Variants in FRMD4B observed in about 807,000 individuals in gnomAD.
FRMD4B encodes the protein FERM domain containing 4B.
A neutral mutation model predicts 141.5 loss-of-function variants in FRMD4B; 74 were observed. The observed-to-expected ratio is 0.52, with a 90% confidence interval of 0.43 to 0.63. The LOEUF is 0.63. Among genes scored for constraint, FRMD4B ranks in the 30% least tolerant of loss-of-function variants. The probability of loss-of-function intolerance (pLI) is 0.00; values close to 1 mark genes in which losing one functional copy is unlikely to be tolerated. For synonymous variants in FRMD4B, 506 were observed against 467.9 expected, an observed-to-expected ratio of 1.08 and a Z score of -1.05; for missense variants, 1,366 against 1,253.4, an observed-to-expected ratio of 1.09 and a Z score of -1.36.
chr3:69,302,743 G>A (rs1425268240), intron 3 of FRMD4B, among the ~76,000 whole-genome samples: 3 of 152,134 alleles, frequency 2.0e-5, no homozygotes, highest in Non-Finnish European at 4.4e-5. Flanking sequence ...AAATAACTTC[G>A]ATGTCCAAGA....
intron 19 of FRMD4B, among the ~76,000 whole-genome samples, chr3:69,187,266 C>T (rs1269739401): frequency 2.6e-5 from 4 of 151,962 alleles, no homozygotes; most frequent in African/African-American, 7.3e-5. Context: ...ACATTTTCAG[C>T]CAGGCACGGT....
intron 4 of FRMD4B, among the ~76,000 whole-genome samples, chr3:69,289,608 C>A (rs1700807430): frequency 7.9e-6 from 1 of 126,906 alleles, no homozygotes; most frequent in Non-Finnish European, 1.6e-5. Flanking sequence ...CCATCCTGGC[C>A]ACCATGGTGA....
chr3:69,227,505 T>C (rs1352585119), intron 7 of FRMD4B, among the ~76,000 whole-genome samples: 1 of 151,866 alleles, frequency 6.6e-6, no homozygotes, highest in African/African-American at 2.4e-5. Flanking sequence ...CTACTAAAAA[T>C]ACAAAAATTA....
At chr3:69,276,824 G>A (rs1045310692) in intron 5 of FRMD4B, among the ~76,000 whole-genome samples, 6 of 152,162 alleles carry the variant, frequency 3.9e-5, no homozygotes, top group African/African-American at 1.4e-4. Flanking sequence ...AATTAGCCGG[G>A]CATGGCGGCA....
chr3:69,401,713 A>G (rs1223220804), intron 2 of FRMD4B, among the ~76,000 whole-genome samples: 1 of 151,926 alleles, frequency 6.6e-6, no homozygotes, highest in Non-Finnish European at 1.5e-5. Flanking sequence ...CCACACCCCA[A>G]AATTTTTATA....
At chr3:69,517,411 T>C (rs17006050) in intron 1 of FRMD4B, among the ~76,000 whole-genome samples, 3,722 of 151,250 alleles carry the variant, frequency 0.025, 166 homozygotes, top group African/African-American at 0.087. Flanking sequence ...ATAGACATCA[T>C]AAAGATTAAG....
chr3:69,253,688 T>G (rs1430229161), intron 5 of FRMD4B, among the ~76,000 whole-genome samples: 1 of 152,128 alleles, frequency 6.6e-6, no homozygotes, highest in Non-Finnish European at 1.5e-5. Context: ...AAAATTAACT[T>G]GTAGAACACC....
chr3:69,291,572 C>A (rs978758941), intron 4 of FRMD4B, among the ~76,000 whole-genome samples: 7 of 152,148 alleles, frequency 4.6e-5, no homozygotes, highest in African/African-American at 1.7e-4. Flanking sequence ...TTCTGCTCTA[C>A]TAAAACTCCT....
At position 69,313,449 on chromosome 3, in the gene FRMD4B, T is replaced by C; in HGVS notation, c.228+3A>G. ...GGGCAACACACATGTGGGCCACACC[T>C]ACCTGAACCAGCAGCTCCAGTCTCC... On this transcript the variant is annotated splice_donor_region_variant and intron_variant, in intron 2 of 22. Coordinates refer to ENST00000398540, the MANE Select transcript of FRMD4B (RefSeq NM_015123.3). 1 of 1,564,894 alleles carries C rather than the reference T, an allele frequency of 6.4e-7. No individual in the cohort carries two copies. The highest frequency in any genetic ancestry group is 8.7e-7 in the Non-Finnish European group (1 of 1,153,032).
intron 5 of FRMD4B, among the ~76,000 whole-genome samples, chr3:69,254,723 G>A (rs1199841238): frequency 5.3e-5 from 8 of 152,036 alleles, no homozygotes; most frequent in African/African-American, 1.7e-4. Flanking sequence ...AGTTGATGTC[G>A]GCAGTGTAAA....
intron 1 of FRMD4B, among the ~76,000 whole-genome samples, chr3:69,540,651 A>G (rs1349469714): frequency 1.1e-5 from 1 of 89,204 alleles, no homozygotes; most frequent in African/African-American, 5.9e-5. Context: ...ATATATATAT[A>G]TATATATATA....
chr3:69,172,146 T>C lies in FRMD4B; in HGVS notation c.2985-165A>G, dbSNP rs139607691. Among the ~76,000 whole-genome samples, 1,042 of 152,320 alleles carry C rather than the reference T, an allele frequency of 6.8e-3. 7 individuals are homozygous for C. Among genetic ancestry groups the C allele is most frequent in the Admixed American group, 0.012 (180 of 15,304 alleles). On this transcript the variant is annotated intron_variant, in intron 22 of 22. Transcript: ENST00000398540. ...AGGGTGACTGCATGTTCTTTCAATGTCATACTGGAGCATTGTTTAACAGGC... is the reference window on the plus strand; with the variant it reads ...AGGGTGACTGCATGTTCTTTCAATGCCATACTGGAGCATTGTTTAACAGGC...
intron 1 of FRMD4B, among the ~76,000 whole-genome samples, chr3:69,445,499 C>T (rs1432877542): frequency 2.0e-5 from 3 of 152,206 alleles, no homozygotes; most frequent in African/African-American, 7.2e-5. Flanking sequence ...ATTAAACCCC[C>T]TGCTTAAAAC....
chr3:69,464,617 A>G (rs1705754000), intron 1 of FRMD4B, among the ~76,000 whole-genome samples: 1 of 152,208 alleles, frequency 6.6e-6, no homozygotes, highest in Non-Finnish European at 1.5e-5. Context: ...ACAGGAGGAA[A>G]AAAACTGACA....
chr3:69,205,052 T>G (rs1491002870), intron 11 of FRMD4B, among the ~76,000 whole-genome samples: 1 of 49,388 alleles, frequency 2.0e-5, no homozygotes, highest in Non-Finnish European at 3.7e-5. Flanking sequence ...ATCTGTTATG[T>G]TTTTAACAAA....
chr3:69,522,276 T>C (rs1484494530), intron 1 of FRMD4B, among the ~76,000 whole-genome samples: 2 of 152,092 alleles, frequency 1.3e-5, no homozygotes, highest in Admixed American at 1.3e-4. Flanking sequence ...GAAATTTTGA[T>C]TCATAACTTT....
In FRMD4B at chr3:69,377,307, A is replaced by G. The variant is rs902676133; in HGVS notation, c.162+8521T>C. ...TGTGTTAATCACTACTATAATGGTAAGTAGCTGAGTCTGTTGTGGTCCAAT... is the reference window on the plus strand; with the variant it reads ...TGTGTTAATCACTACTATAATGGTAGGTAGCTGAGTCTGTTGTGGTCCAAT... On this transcript the variant is annotated intron_variant, in intron 1 of 22. Transcript: ENST00000398540. Among the ~76,000 whole-genome samples the G allele has an allele frequency of 2.0e-5, 3 of 152,162 alleles. No individual in the cohort carries two copies. The South Asian group carries it at 6.2e-4, about 32-fold the overall frequency.
chr3:69,414,387 C>T (rs957209313), intron 2 of FRMD4B, among the ~76,000 whole-genome samples: 6 of 152,184 alleles, frequency 3.9e-5, no homozygotes, highest in Non-Finnish European at 5.9e-5. Context: ...TGCTTCCCCT[C>T]GCTTTTTACA....
At chr3:69,228,274 C>T (rs1226027392) in intron 7 of FRMD4B, 3 of 455,834 alleles carry the variant, frequency 6.6e-6, no homozygotes, top group Non-Finnish European at 8.8e-6. Flanking sequence ...CTCTACAAAG[C>T]ATATCTTTTA....
Sources: gnomAD v4.1 joint callset for allele counts (sites outside exome capture counted in the v4.1 genomes callset) on GRCh38, gnomAD v4.1.1 for gene constraint, MANE v1.5 for transcripts, NCBI Gene and HGNC (gene_info 2026-07-23, HGNC 2026-07-21) for gene names.